Variants in EHMT1 observed in about 807,000 individuals in gnomAD.
EHMT1 encodes the protein euchromatic histone lysine methyltransferase 1.
In EHMT1, 15 loss-of-function variants were observed where a neutral mutation model predicts 147.2. The observed-to-expected ratio is 0.10, with a 90% confidence interval of 0.07 to 0.16. The LOEUF is 0.16. EHMT1 is among the 10% of genes least tolerant of loss of function. The pLI, the probability that EHMT1 is intolerant of heterozygous loss-of-function variation, is 1.00. For missense variants in EHMT1, 1,587 were observed against 1,772.4 expected (o/e 0.90, Z 1.88); for synonymous variants, 795 against 709.6 (o/e 1.12, Z -1.91).
intron 1 of EHMT1, among the ~76,000 whole-genome samples, chr9:137,706,281 G>A (rs929795563): frequency 2.6e-5 from 4 of 152,244 alleles, no homozygotes; most frequent in African/African-American, 4.8e-5. Flanking sequence ...AGCTTCTGCA[G>A]TGCGGGGTCT....
chr9:137,768,527 GTATTTTTTTTTTT>G (rs1950379332), intron 10 of EHMT1, among the ~76,000 whole-genome samples: 7 of 28,150 alleles, frequency 2.5e-4, no homozygotes, highest in African/African-American at 7.7e-4. Context: ...CTAATTTTTT[GTATTTTTTTTTTT>G]TTTTTTTTTT....
intron 1 of EHMT1, among the ~76,000 whole-genome samples, chr9:137,681,395 C>A (rs1289030932): frequency 2.6e-5 from 4 of 152,262 alleles, no homozygotes; most frequent in East Asian, 1.9e-4. Flanking sequence ...CCCACAAATT[C>A]TTTTGGCCTA....
In EHMT1 at chr9:137,814,912, G is replaced by A. The variant is rs142088087; in HGVS notation, c.3258+404G>A. 78 of 352,574 alleles carry A rather than the reference G, an allele frequency of 2.2e-4. No homozygotes were observed. In the East Asian group the frequency reaches 3.1e-3, roughly 14 times the overall value. 21.8% of individuals were successfully genotyped at this position (352,574 alleles called of 1,614,324 possible). ...GGGTACAGGGAGCATCAGTGTGGGC[G>A]CTGGGCTTGAGGAGACACAGGATTG... On this transcript the variant is annotated intron_variant, in intron 22 of 26. Coordinates refer to ENST00000460843, the MANE Select transcript of EHMT1 (RefSeq NM_024757.5).
chr9:137,784,183 A>G (rs1338773513), intron 15 of EHMT1: 10 of 1,550,904 alleles, frequency 6.4e-6, no homozygotes, highest in Non-Finnish European at 2.6e-6. Flanking sequence ...GTTCCCGAAC[A>G]CAGCCAGGAA....
chr9:137,666,544 AG>A (rs35217440), intron 1 of EHMT1, among the ~76,000 whole-genome samples: 26,772 of 152,224 alleles, frequency 0.18, 2,612 homozygotes, highest in Admixed American at 0.31. Context: ...CAGGCTGTGC[AG>A]GGCAAGGGCT....
chr9:137,687,530 CTGAG>C lies in EHMT1; in HGVS notation c.22-23434_22-23431del, dbSNP rs769794610. Reference sequence around the variant, plus strand: ...GGTAGAGTTTAGGTAGTGCTGTTGCCTGAGTGTTTGTGTTCCCCCCAAAACCAAG... The same window carrying C: ...GGTAGAGTTTAGGTAGTGCTGTTGCCTGTTTGTGTTCCCCCCAAAACCAAG... On this transcript the variant is annotated intron_variant, in intron 1 of 26. Transcript: ENST00000460843. Among the ~76,000 whole-genome samples, 3 of 152,048 alleles carry C rather than the reference CTGAG, an allele frequency of 2.0e-5. No homozygotes were observed. The East Asian group carries it at 5.8e-4, about 29-fold the overall frequency.
At chr9:137,799,746 C>G (rs1227270857) in intron 17 of EHMT1, among the ~76,000 whole-genome samples, 1 of 152,248 alleles carries the variant, frequency 6.6e-6, no homozygotes, top group African/African-American at 2.4e-5. Context: ...CTTCTGTGCC[C>G]TCTTGGCTGT....
intron 1 of EHMT1, among the ~76,000 whole-genome samples, chr9:137,653,684 G>A (rs1027580809): frequency 6.6e-6 from 1 of 151,916 alleles, no homozygotes; most frequent in Non-Finnish European, 1.5e-5. Context: ...ATGTGCCACC[G>A]TGCCCAGTTA....
intron 1 of EHMT1, among the ~76,000 whole-genome samples, chr9:137,689,865 C>A (rs1419167978): frequency 6.6e-6 from 1 of 152,164 alleles, no homozygotes; most frequent in African/African-American, 2.4e-5. Flanking sequence ...GTTGTGGGGG[C>A]CAGCTCCTGG....
rs1446802402 is a variant in EHMT1, at chr9:137,762,655, A to C, written c.1502-20A>C. On this transcript the variant is annotated intron_variant, in intron 9 of 26. Transcript: ENST00000460843. The stretch of plus-strand genomic sequence containing the variant: ...TGAGGTCAGGATTGCATGAGCTGAC[A>C]TGTGTCTGTGTGACGTTAGGGTTGG... 6.2e-7 allele frequency: 1 copy of C among 1,614,048 alleles called. No homozygotes were observed. Among genetic ancestry groups the C allele is most frequent in the Non-Finnish European group, 8.5e-7 (1 of 1,180,022 alleles).
intron 26 of EHMT1, 47 bp downstream of exon 26, chr9:137,834,571 G>A (rs1956468903): frequency 6.2e-7 from 1 of 1,606,676 alleles, no homozygotes; most frequent in Non-Finnish European, 8.5e-7. Context: ...CGGCGGGACG[G>A]TTTTAGGAAC....
intron 1 of EHMT1, among the ~76,000 whole-genome samples, chr9:137,679,343 C>T (rs946552666): frequency 1.2e-4 from 19 of 152,106 alleles, no homozygotes; most frequent in African/African-American, 4.6e-4. Flanking sequence ...AACCACGGAT[C>T]AGGGGACTGC....
chr9:137,822,867 C>T (rs1407222963), intron 25 of EHMT1, among the ~76,000 whole-genome samples: 2 of 147,532 alleles, frequency 1.4e-5, no homozygotes, highest in East Asian at 3.9e-4. Flanking sequence ...CACTGTAGGC[C>T]TGGGCAACAA....
intron 1 of EHMT1, among the ~76,000 whole-genome samples, chr9:137,651,945 G>A (rs1029240291): frequency 1.3e-5 from 2 of 152,152 alleles, no homozygotes; most frequent in Non-Finnish European, 2.9e-5. Flanking sequence ...ACAGTTATGT[G>A]CAGTACCTAA....
chr9:137,801,546 T>A (rs548563441), intron 18 of EHMT1, among the ~76,000 whole-genome samples: 12 of 152,286 alleles, frequency 7.9e-5, no homozygotes, highest in South Asian at 2.1e-4. Flanking sequence ...TCACCCAGGC[T>A]GGAGTGCAGT....
At position 137,813,338 on chromosome 9, in the gene EHMT1, G is replaced by C; in HGVS notation, c.3036-48G>C. 1 of 1,589,944 alleles carries C rather than the reference G, an allele frequency of 6.3e-7. No individual in the cohort carries two copies. The highest frequency in any genetic ancestry group is 8.5e-7 in the Non-Finnish European group (1 of 1,171,962). ...CCCACTGCACGCTGTGCCACCCCCT[G>C]GGCAGAGCACGTCAGCCACCAGGTG... On this transcript the variant is annotated intron_variant, in intron 20 of 26. Transcript: ENST00000460843. This position sits in a 1 kb window ranked among gnomAD's most constrained non-coding sequence, Gnocchi z 4.9.
Position 137,782,008 on chromosome 9 carries a change from AAC to A in EHMT1, c.2276-279_2276-278del, listed in dbSNP as rs1951595854. On this transcript the variant is annotated intron_variant, in intron 14 of 26. Coordinates refer to ENST00000460843, the MANE Select transcript of EHMT1 (RefSeq NM_024757.5). This position sits in a 1 kb window ranked among gnomAD's most constrained non-coding sequence, Gnocchi z 5.7. ...GGCGGCCATGGCCAGGCCACACAGA[AAC>A]ACAGAAGGAACCTCAGAGTTAGAGC... Among the ~76,000 whole-genome samples, 1 of 152,312 alleles carries A rather than the reference AAC, an allele frequency of 6.6e-6. No homozygotes were observed. The highest frequency in any genetic ancestry group is 1.9e-4 in the East Asian group (1 of 5,180).
chr9:137,743,039 C>G (rs1207386085), intron 4 of EHMT1: 3 of 361,282 alleles, frequency 8.3e-6, no homozygotes, highest in Non-Finnish European at 1.6e-5. Context: ...GCCAAGGGGA[C>G]TGGGAGGAGG....
intron 1 of EHMT1, among the ~76,000 whole-genome samples, chr9:137,637,096 A>T (rs1284160561): frequency 1.3e-5 from 2 of 150,622 alleles, no homozygotes; most frequent in Non-Finnish European, 1.5e-5. Flanking sequence ...ATGGGATTTC[A>T]CTGTGTTAGT....
Sources: allele counts gnomAD v4.1 joint callset (sites outside exome capture counted in the v4.1 genomes callset), GRCh38; gene constraint gnomAD v4.1.1; non-coding constraint Gnocchi (gnomAD v3.1); transcripts MANE v1.5; gene names NCBI Gene and HGNC (gene_info 2026-07-23, HGNC 2026-07-21).